Variants in RASA4B observed in about 807,000 individuals in gnomAD.
The protein encoded by RASA4B is RAS p21 protein activator 4B.
RASA4B carries 2 observed loss-of-function variants against 24.2 expected under a neutral mutation model. The ratio of observed to expected loss-of-function variants is 0.08; its 90% CI spans 0.03 to 0.26. The LOEUF (loss-of-function observed/expected upper bound fraction) is 0.26. RASA4B is among the 10% of genes least tolerant of loss of function. The probability of loss-of-function intolerance (pLI) is 1.00; values close to 1 mark genes in which losing one functional copy is unlikely to be tolerated. For synonymous variants in RASA4B, 2 were observed against 125.6 expected (o/e 0.02, Z 6.58); for missense variants, 8 against 277.2 (o/e 0.03, Z 6.90).
chr7:102,498,575 G>T (rs1270116237), intron 8 of RASA4B, among the ~76,000 whole-genome samples: 1 of 140,284 alleles, frequency 7.1e-6, no homozygotes, highest in African/African-American at 2.6e-5. Flanking sequence ...TTGAGACGGA[G>T]TTTCGCTCTT....
chr7:102,506,514 T>A (rs1294514219), intron 5 of RASA4B, among the ~76,000 whole-genome samples, 181 bp downstream of exon 5: 2 of 144,260 alleles, frequency 1.4e-5, no homozygotes, highest in African/African-American at 2.5e-5. Context: ...CCCAAAGTGC[T>A]GGGATTACAG....
intron 5 of RASA4B, among the ~76,000 whole-genome samples, chr7:102,503,833 G>A (rs1339796430): frequency 1.4e-3 from 83 of 57,534 alleles, no homozygotes; most frequent in African/African-American, 3.4e-3. Context: ...ACGGAGTCTC[G>A]CTCTGTCGCC....
chr7:102,513,168 T>G (rs1799763480), intron 1 of RASA4B, among the ~76,000 whole-genome samples: 1 of 139,910 alleles, frequency 7.1e-6, no homozygotes, highest in African/African-American at 2.6e-5. Context: ...CCTTCAGCCC[T>G]GCCAGAGCCC....
chr7:102,512,872 G>A (rs1186854362), intron 1 of RASA4B, among the ~76,000 whole-genome samples: 3 of 148,860 alleles, frequency 2.0e-5, no homozygotes, highest in Non-Finnish European at 4.5e-5. Flanking sequence ...GAGGGGGTGA[G>A]AGGGAGGGGT....
At chr7:102,500,431 C>T (rs1172906822) in intron 8 of RASA4B, among the ~76,000 whole-genome samples, 1 of 138,058 alleles carries the variant, frequency 7.2e-6, no homozygotes, top group East Asian at 2.1e-4. Flanking sequence ...GAGATCACGC[C>T]ATTGCACTCC....
chr7:102,486,367 CAA>C (rs1256595958), intron 18 of RASA4B, among the ~76,000 whole-genome samples: 6 of 140,876 alleles, frequency 4.3e-5, no homozygotes, highest in Admixed American at 7.2e-5. Context: ...AAAACAAAAA[CAA>C]AAGAGTCACC....
intron 4 of RASA4B, among the ~76,000 whole-genome samples, chr7:102,509,114 T>TAAAA (rs1554584911): frequency 5.4e-4 from 48 of 88,430 alleles, no homozygotes; most frequent in African/African-American, 1.8e-3. Flanking sequence ...GCCTTTTTTT[T>TAAAA]AAAAAAAAAC....
chr7:102,514,884 C>T (rs1333014968), intron 1 of RASA4B, among the ~76,000 whole-genome samples: 24 of 112,816 alleles, frequency 2.1e-4, no homozygotes, highest in African/African-American at 6.3e-4. Flanking sequence ...TACGTGGGGA[C>T]GAGAGACAGT....
chr7:102,480,951 T>A lies in RASA4B; in HGVS notation c.*2641A>T, dbSNP rs1346713669. On this transcript the variant is annotated 3_prime_UTR_variant, in exon 21 of 21. Transcript: ENST00000465829. Reference sequence around the variant, plus strand: ...AGTATCTTATCACACCTTTACAAAATTAATAATTCCAATCATCCTATAGTT... The same window carrying A: ...AGTATCTTATCACACCTTTACAAAAATAATAATTCCAATCATCCTATAGTT... 2.3e-5 allele frequency among the ~76,000 whole-genome samples: 2 copies of A among 88,120 alleles called. No individual in the cohort carries two copies. The highest frequency in any genetic ancestry group is 6.4e-5 in the African/African-American group (2 of 31,100). 57.8% of individuals were successfully genotyped at this position (88,120 alleles called of 152,430 possible).
At position 102,480,368 on chromosome 7, in the gene RASA4B, T is replaced by G. The variant is rs1303263825; in HGVS notation, c.*3224A>C. On this transcript the variant is annotated 3_prime_UTR_variant, in exon 21 of 21. Transcript: ENST00000465829. ...CAGCAAGGCTTGGGGTTTCCCTGTT[T>G]GGAGCTCTCCAAGTTGAGAGTGCAG... Among the ~76,000 whole-genome samples the G allele has an allele frequency of 1.3e-5, 2 of 151,346 alleles. No homozygotes were observed. Among genetic ancestry groups the G allele is most frequent in the Non-Finnish European group, 3.0e-5 (2 of 67,748 alleles).
Position 102,481,235 on chromosome 7 carries a change from A to G in RASA4B, c.*2357T>C, listed in dbSNP as rs1250724839. Among the ~76,000 whole-genome samples, 4 of 33,022 alleles carry G rather than the reference A, an allele frequency of 1.2e-4. No individual in the cohort carries two copies. Among genetic ancestry groups the G allele is most frequent in the African/African-American group, 3.5e-4 (4 of 11,298 alleles). The allele number at this position is 33,022 out of a possible 152,430, so 21.7% of individuals were successfully genotyped here. A position where few individuals can be genotyped will look rare whatever the true frequency, so the allele number is the denominator to read the frequency against. On this transcript the variant is annotated 3_prime_UTR_variant, in exon 21 of 21. Transcript: ENST00000465829. ...TTCCCTTTTTTTTTTTTTTTTTTTT[A>G]ATTTTAGGGACTAGGTTTTGCTATG...
intron 8 of RASA4B, among the ~76,000 whole-genome samples, chr7:102,497,187 T>C (rs1223256484): frequency 6.6e-6 from 1 of 150,752 alleles, no homozygotes; most frequent in African/African-American, 2.4e-5. Context: ...GGCACCTCTA[T>C]CTGTCTTCGA....
rs1463030921 is a variant in RASA4B at position 102,480,093 on chromosome 7, A to C, written c.*3499T>G. Among the ~76,000 whole-genome samples the C allele has an allele frequency of 1.3e-5, 2 of 152,090 alleles. No individual in the cohort carries two copies. The highest frequency in any genetic ancestry group is 2.9e-5 in the Non-Finnish European group (2 of 68,024). On this transcript the variant is annotated 3_prime_UTR_variant, in exon 21 of 21. Coordinates refer to ENST00000465829, the MANE Select transcript of RASA4B (RefSeq NM_001367767.2). ...GAGGGGACAATGAGGAGTGACCAGA[A>C]GACAAGAGTGCGAGCTTTCTGTTAT... is the stretch of plus-strand genomic sequence containing the variant.
chr7:102,509,122 A>AAT (rs1278026997), intron 4 of RASA4B, among the ~76,000 whole-genome samples: 3 of 118,774 alleles, frequency 2.5e-5, no homozygotes, highest in African/African-American at 6.1e-5. Flanking sequence ...TTTAAAAAAA[A>AAT]ACTATATAAA....
rs1427964954 is a variant in RASA4B, at chr7:102,498,507, G to A, written c.738-1543C>T. ...GAACTCCTGATCTCATGATCCACCC[G>A]CCTCGGCCACCCAAGTGCTGAGATT... On this transcript the variant is annotated intron_variant, in intron 8 of 20. Coordinates refer to ENST00000465829, the MANE Select transcript of RASA4B (RefSeq NM_001367767.2). Among the ~76,000 whole-genome samples the A allele has an allele frequency of 2.1e-5, 3 of 144,498 alleles. 1 individual carries two copies. The highest frequency in any genetic ancestry group is 2.0e-4 in the East Asian group (1 of 4,918). 94.8% of individuals were successfully genotyped at this position (144,498 alleles called of 152,430 possible).
At chr7:102,495,678 C>T (rs1470372962) in intron 11 of RASA4B, among the ~76,000 whole-genome samples, 15 of 30,060 alleles carry the variant, frequency 5.0e-4, no homozygotes, top group African/African-American at 1.5e-3. Flanking sequence ...GAGACTGTCT[C>T]TAACTTAAAT....
Position 102,512,820 on chromosome 7 carries a change from AGAGTAAGAGGGAGG to A in RASA4B, c.66-853_66-840del, listed in dbSNP as rs1586787264. Among the ~76,000 whole-genome samples the A allele has an allele frequency of 3.2e-5, 3 of 94,280 alleles. No homozygotes were observed. In the East Asian group the frequency reaches 1.0e-3, roughly 31 times the overall value. 61.9% of individuals were successfully genotyped at this position (94,280 alleles called of 152,430 possible). The stretch of plus-strand genomic sequence containing the variant: ...TGAGAGGGAGGGGGAGAGAGGGAGG[AGAGTAAGAGGGAGG>A]GAGTAAAGAGGGAGGGGGAGACTGA... On this transcript the variant is annotated intron_variant, in intron 1 of 20. Transcript: ENST00000465829.
At chr7:102,491,770 A>G (rs1798958609) in intron 16 of RASA4B, among the ~76,000 whole-genome samples, 1 of 102,828 alleles carries the variant, frequency 9.7e-6, no homozygotes, top group African/African-American at 3.0e-5. Context: ...TCCATCTCAA[A>G]AAAAAAAAAA....
intron 19 of RASA4B, among the ~76,000 whole-genome samples, chr7:102,484,797 G>C (rs1798652194): frequency 6.7e-6 from 1 of 148,504 alleles, no homozygotes; most frequent in Non-Finnish European, 1.5e-5. Flanking sequence ...TGTACTCCAA[G>C]GGCCCAGGGG....
Sources: gnomAD v4.1 joint callset for allele counts (sites outside exome capture counted in the v4.1 genomes callset) on GRCh38, gnomAD v4.1.1 for gene constraint, MANE v1.5 for transcripts, NCBI Gene and HGNC (gene_info 2026-07-23, HGNC 2026-07-21) for gene names.